Variants in CENPP observed in about 807,000 individuals in gnomAD.
CENPP encodes the protein centromere protein P.
A neutral mutation model predicts 35.6 loss-of-function variants in CENPP; 24 were observed. The ratio of observed to expected loss-of-function variants is 0.67; its 90% CI spans 0.49 to 0.95. The LOEUF (loss-of-function observed/expected upper bound fraction) is 0.95, where lower values mean the gene tolerates loss of function less well. CENPP is among the 40% of genes least tolerant of loss of function. The pLI, the probability that CENPP is intolerant of heterozygous loss-of-function variation, is 0.00. For synonymous variants in CENPP, 120 were observed against 125.5 expected, an observed-to-expected ratio of 0.96 and a Z score of 0.29; for missense variants, 332 against 345.3, an observed-to-expected ratio of 0.96 and a Z score of 0.31.
In CENPP at chr9:92,414,895, G is replaced by A. The variant is rs191543046; in HGVS notation, c.564+35036G>A. The A allele has an allele frequency of 1.2e-4, 36 of 304,298 alleles. No homozygotes were observed. In the East Asian group the frequency reaches 1.8e-3, roughly 15 times the overall value. The allele number at this position is 304,298 out of a possible 1,614,324, so 18.8% of individuals were successfully genotyped here. ...CATGATATTTCTATATTTAAAAAGA[G>A]CATAAGAAACCATTAACGTTTAATT... On this transcript the variant is annotated intron_variant, in intron 5 of 7. Coordinates refer to ENST00000375587, the MANE Select transcript of CENPP (RefSeq NM_001012267.3).
intron 5 of CENPP, among the ~76,000 whole-genome samples, chr9:92,533,304 A>AAAC (rs1848928241): frequency 4.8e-4 from 14 of 28,978 alleles, no homozygotes; most frequent in South Asian, 1.3e-3. Context: ...GGTCTCAAAC[A>AAAC]AAAAAAAAAA....
At chr9:92,567,373 G>GATATATATATATATATATATATAT in intron 5 of CENPP, among the ~76,000 whole-genome samples, 164 of 129,018 alleles carry the variant, frequency 1.3e-3, no homozygotes, top group Non-Finnish European at 2.0e-3. Flanking sequence ...ACATAAGATA[G>GATATATATATATATATATATATAT]ATATATATAT....
intron 5 of CENPP, among the ~76,000 whole-genome samples, chr9:92,567,405 T>G (rs552757872): frequency 1.5e-5 from 2 of 130,060 alleles, no homozygotes; most frequent in South Asian, 2.4e-4. Flanking sequence ...TAGATATATA[T>G]ATAAAGTGGT....
chr9:92,619,651 G>T lies in CENPP; in HGVS notation c.*6502G>T. On this transcript the variant is annotated 3_prime_UTR_variant, in exon 8 of 8. Coordinates refer to ENST00000375587, the MANE Select transcript of CENPP (RefSeq NM_001012267.3). ...CCTTCCTTCCCAGTAGCCAAGTGTGGGAACTGCTTCCTGCCTCAGAACCTG... is the reference window on the plus strand; with the variant it reads ...CCTTCCTTCCCAGTAGCCAAGTGTGTGAACTGCTTCCTGCCTCAGAACCTG... 1 of 1,204,700 alleles carries T rather than the reference G, an allele frequency of 8.3e-7. No individual in the cohort carries two copies. Among genetic ancestry groups the T allele is most frequent in the East Asian group, 2.6e-5 (1 of 39,040 alleles). 74.6% of individuals were successfully genotyped at this position (1,204,700 alleles called of 1,614,324 possible). A position where few individuals can be genotyped will look rare whatever the true frequency, so the allele number is the denominator to read the frequency against.
At chr9:92,556,209 T>C (rs1849720990) in intron 5 of CENPP, among the ~76,000 whole-genome samples, 2 of 152,224 alleles carry the variant, frequency 1.3e-5, no homozygotes, top group Non-Finnish European at 2.9e-5. Flanking sequence ...AAGTTTCCTT[T>C]TGGAATTGAT....
At chr9:92,482,950 T>A (rs536145168) in intron 5 of CENPP, among the ~76,000 whole-genome samples, 126 of 152,048 alleles carry the variant, frequency 8.3e-4, no homozygotes, top group African/African-American at 2.8e-3. Flanking sequence ...CTATAGCATG[T>A]CAGGGAAACT....
At chr9:92,443,658 G>GT (rs34836469) in intron 5 of CENPP, among the ~76,000 whole-genome samples, 131 of 148,142 alleles carry the variant, frequency 8.8e-4, no homozygotes, top group Admixed American at 2.4e-3. Flanking sequence ...ATGTTACAAA[G>GT]TTTTTTTTTT....
chr9:92,364,072 A>G (rs927414980), intron 4 of CENPP, among the ~76,000 whole-genome samples: 1 of 148,054 alleles, frequency 6.8e-6, no homozygotes, highest in Non-Finnish European at 1.5e-5. Context: ...CTGGTCTTGA[A>G]CTCCTGGGTT....
chr9:92,565,982 C>G (rs540726187), intron 5 of CENPP, among the ~76,000 whole-genome samples: 1 of 152,190 alleles, frequency 6.6e-6, no homozygotes, highest in East Asian at 1.9e-4. Context: ...TTCAAATGTC[C>G]AATTTTCAAC....
chr9:92,493,912 G>T, intron 5 of CENPP: 1 of 476,198 alleles, frequency 2.1e-6, no homozygotes, highest in Non-Finnish European at 3.7e-6. Flanking sequence ...CCCACAGTGC[G>T]TCTGCTCCAC....
intron 4 of CENPP, among the ~76,000 whole-genome samples, chr9:92,352,215 C>G (rs1841466171): frequency 6.7e-6 from 1 of 149,784 alleles, no homozygotes; most frequent in Non-Finnish European, 1.5e-5. Flanking sequence ...ACTAAAAATA[C>G]AAAAATTAGC....
At chr9:92,356,859 G>T (rs1396252622) in intron 4 of CENPP, among the ~76,000 whole-genome samples, 1 of 152,188 alleles carries the variant, frequency 6.6e-6, no homozygotes, top group Non-Finnish European at 1.5e-5. Context: ...ATGTTCCTCT[G>T]CCGCAGCTCC....
intron 5 of CENPP, among the ~76,000 whole-genome samples, chr9:92,426,918 G>A (rs1443699543): frequency 1.3e-5 from 2 of 152,160 alleles, no homozygotes; most frequent in Non-Finnish European, 2.9e-5. Flanking sequence ...AGCACTTTAA[G>A]CAGCAACAAA....
At chr9:92,485,984 TG>T (rs1846048124) in intron 5 of CENPP, among the ~76,000 whole-genome samples, 1 of 152,230 alleles carries the variant, frequency 6.6e-6, no homozygotes, top group Admixed American at 6.5e-5. Flanking sequence ...ACATTCTAAA[TG>T]AATTGGAATA....
chr9:92,457,320 T>C (rs1168863149), intron 5 of CENPP: 1 of 1,613,922 alleles, frequency 6.2e-7, no homozygotes, highest in Non-Finnish European at 8.5e-7. Flanking sequence ...TGAACGCTCA[T>C]TCTGCTCAAA....
At chr9:92,418,770 C>G (rs942200725) in intron 5 of CENPP, among the ~76,000 whole-genome samples, 1 of 152,046 alleles carries the variant, frequency 6.6e-6, no homozygotes, top group African/African-American at 2.4e-5. Context: ...TTCATGTTTC[C>G]TTTTAATATT....
intron 5 of CENPP, chr9:92,502,679 TTTTC>T (rs1338339954): frequency 6.6e-7 from 1 of 1,508,328 alleles, no homozygotes; most frequent in Non-Finnish European, 9.0e-7. Flanking sequence ...AGACTATTAT[TTTTC>T]TTTTGTGTTA....
chr9:92,351,375 G>T (rs546959507), intron 4 of CENPP, among the ~76,000 whole-genome samples: 1 of 151,800 alleles, frequency 6.6e-6, no homozygotes, highest in African/African-American at 2.4e-5. Flanking sequence ...AGCTACTTGG[G>T]AGGCTGAGGC....
chr9:92,550,266 C>T (rs569258311), intron 5 of CENPP, among the ~76,000 whole-genome samples: 1 of 152,076 alleles, frequency 6.6e-6, no homozygotes, highest in East Asian at 1.9e-4. Context: ...TGTGGTGGTG[C>T]GTGCCTGTAG....
Sources: allele counts gnomAD v4.1 joint callset (sites outside exome capture counted in the v4.1 genomes callset), GRCh38; gene constraint gnomAD v4.1.1; transcripts MANE v1.5; gene names NCBI Gene and HGNC (gene_info 2026-07-23, HGNC 2026-07-21).